NUP188: variants seen among roughly 807,000 people sequenced by gnomAD.
The protein encoded by NUP188 is nucleoporin 188.
A neutral mutation model predicts 223.0 loss-of-function variants in NUP188; 97 were observed. The observed-to-expected ratio is 0.43, with a 90% CI of 0.37 to 0.51. NUP188 has a LOEUF of 0.51. NUP188 is among the 20% of genes least tolerant of loss of function. The pLI, the probability that NUP188 is intolerant of heterozygous loss-of-function variation, is 0.00. For synonymous variants in NUP188, 869 were observed against 828.0 expected, an observed-to-expected ratio of 1.05 and a Z score of -0.85; for missense variants, 1,947 against 2,175.6, an observed-to-expected ratio of 0.89 and a Z score of 2.09.
Position 129,005,951 on chromosome 9 carries a change from C to T in NUP188, c.4870-99C>T, listed in dbSNP as rs182831559. 6.1e-5 allele frequency: 88 copies of T among 1,439,160 alleles called. 1 individual carries two copies. Among genetic ancestry groups the T allele is most frequent in the Admixed American group, 5.1e-4 (28 of 55,230 alleles). The allele number at this position is 1,439,160 out of a possible 1,614,324, so 89.1% of individuals were successfully genotyped here. ...TTACTGTGAGGATTAAATGAGGTAA[C>T]TGATTAAATTTGCTTAGTGCAGGAC... is the stretch of plus-strand genomic sequence containing the variant. On this transcript the variant is annotated intron_variant, in intron 41 of 43. Coordinates refer to ENST00000372577, the MANE Select transcript of NUP188 (RefSeq NM_015354.3).
Position 129,001,898 on chromosome 9 carries a change from G to A in NUP188, c.4059G>A (p.Val1353=). ...CCTCCTCCCAGGGAGCCACAGCAGT[G>A]GCTGGAGCTGGCATCACCCAGAGCA... ...LARTQQGATA[V]AGAGITQSIC... The change falls in exon 36 of 44, where the codon GTG becomes GTA. Residue 1353 remains valine (V), a synonymous_variant. Transcript: ENST00000372577. The A allele has an allele frequency of 6.2e-7, 1 of 1,614,090 alleles. No individual in the cohort carries two copies. The highest frequency in any genetic ancestry group is 8.5e-7 in the Non-Finnish European group (1 of 1,179,982).
At chr9:128,979,886 C>G (rs1842232102) in intron 13 of NUP188, among the ~76,000 whole-genome samples, 1 of 152,158 alleles carries the variant, frequency 6.6e-6, no homozygotes, top group African/African-American at 2.4e-5. Flanking sequence ...CCAGCCTCGG[C>G]CTCCCAAAGT....
chr9:128,978,432 A>C (rs1371774646), intron 12 of NUP188, among the ~76,000 whole-genome samples: 2 of 151,058 alleles, frequency 1.3e-5, no homozygotes, highest in Non-Finnish European at 2.9e-5. Context: ...GCGTGGTGGC[A>C]GGCGCCTGTA....
chr9:128,979,224 A>C, intron 12 of NUP188, 38 bp from the exon 13 acceptor site: 1 of 1,453,110 alleles, frequency 6.9e-7, no homozygotes. Flanking sequence ...TGGTTCAGCT[A>C]GGGAAAATGA....
chr9:128,980,485 GGAT>G, intron 13 of NUP188, 118 bp from the exon 14 acceptor site: 1 of 927,864 alleles, frequency 1.1e-6, no homozygotes, highest in Non-Finnish European at 1.6e-6. Context: ...TATTAAGGAG[GGAT>G]GATATCTGTC....
chr9:128,953,763 T>G (rs904950982), intron 3 of NUP188, among the ~76,000 whole-genome samples: 3 of 152,162 alleles, frequency 2.0e-5, no homozygotes, highest in Non-Finnish European at 4.4e-5. Context: ...GTTAAGCAAC[T>G]TGTCATGGTC....
intron 12 of NUP188, among the ~76,000 whole-genome samples, chr9:128,978,930 C>T (rs530052394): frequency 3.3e-5 from 5 of 152,096 alleles, no homozygotes; most frequent in Non-Finnish European, 2.9e-5. Context: ...AGGCTGGTCT[C>T]GAACTCCTGA....
chr9:128,949,919 CTTTTTTTT>C (rs35705253), intron 2 of NUP188, among the ~76,000 whole-genome samples: 3 of 81,232 alleles, frequency 3.7e-5, no homozygotes, highest in Admixed American at 3.3e-4. Flanking sequence ...GTGACGGCCA[CTTTTTTTT>C]TTTTTTTTTT....
intron 34 of NUP188, among the ~76,000 whole-genome samples, chr9:129,000,382 G>A (rs772941190): frequency 2.6e-5 from 4 of 152,136 alleles, no homozygotes; most frequent in Non-Finnish European, 4.4e-5. Flanking sequence ...GCAGTGGTGC[G>A]ATCTTGGCTC....
Position 129,006,491 on chromosome 9 carries a change from T to C in NUP188, c.5074-11T>C, listed in dbSNP as rs755782648. On this transcript the variant is annotated splice_polypyrimidine_tract_variant and intron_variant, in intron 43 of 43. Transcript: ENST00000372577. ...GTGCTGAGCCTCACCAAGCCACTTTTTTTCTTGTAGAGCACGCTGCTGTCC... is the reference window on the plus strand; with the variant it reads ...GTGCTGAGCCTCACCAAGCCACTTTCTTTCTTGTAGAGCACGCTGCTGTCC... 1.9e-6 allele frequency: 3 copies of C among 1,611,988 alleles called. No individual in the cohort carries two copies. The highest frequency in any genetic ancestry group is 2.5e-6 in the Non-Finnish European group (3 of 1,179,226).
At chr9:128,988,317 T>C in intron 24 of NUP188, 131 bp downstream of exon 24, 1 of 991,098 alleles carries the variant, frequency 1.0e-6, no homozygotes, top group Non-Finnish European at 1.5e-6. Context: ...AGTTTGGGAA[T>C]GATTACCAGC....
At chr9:128,964,906 C>T (rs1842007125) in intron 8 of NUP188, among the ~76,000 whole-genome samples, 1 of 151,884 alleles carries the variant, frequency 6.6e-6, no homozygotes, top group African/African-American at 2.4e-5. Context: ...TGGGGTTTCG[C>T]CATGTTGGCC....
chr9:128,971,670 G>A (rs1172351116), intron 11 of NUP188, among the ~76,000 whole-genome samples: 3 of 152,008 alleles, frequency 2.0e-5, no homozygotes, highest in African/African-American at 7.2e-5. Context: ...CACCCGCCTC[G>A]GCCTCCCAAA....
chr9:128,952,806 C>T lies in NUP188; in HGVS notation c.121C>T (p.Arg41Trp), dbSNP rs199567728. The change falls in exon 3 of 44, where the codon CGG becomes TGG. Residue 41 changes from arginine (R) to tryptophan (W), a missense_variant. Arg to Trp is a moderately radical substitution (Grantham distance 101, BLOSUM62 -3). Coordinates refer to ENST00000372577, the MANE Select transcript of NUP188 (RefSeq NM_015354.3). ...QIEAELNKHW[R>W]RLLEGLSYYK... ...TGAGGCAGAACTGAATAAACATTGG[C>T]GGCGATTGTTAGAGGGGCTTTCTTA... 2.5e-6 allele frequency: 4 copies of T among 1,613,504 alleles called. No homozygotes were observed. The African/African-American group carries it at 4.0e-5, about 16-fold the overall frequency.
At chr9:128,996,996 A>G (rs979295099) in intron 30 of NUP188, among the ~76,000 whole-genome samples, 1 of 152,190 alleles carries the variant, frequency 6.6e-6, no homozygotes, top group African/African-American at 2.4e-5. Context: ...TAAATTATAA[A>G]CAAATTTAGC....
intron 11 of NUP188, among the ~76,000 whole-genome samples, chr9:128,971,955 A>AG (rs996010625): frequency 6.6e-6 from 1 of 151,770 alleles, no homozygotes; most frequent in East Asian, 1.9e-4. Flanking sequence ...TATTTGTAGT[A>AG]GGGATGGGGT....
At position 128,963,785 on chromosome 9, in the gene NUP188, C is replaced by T. The variant is rs907589933; in HGVS notation, c.585+4651C>T. On this transcript the variant is annotated intron_variant, in intron 8 of 43. Transcript: ENST00000372577. ...CTCTTGAGTAGGCTGGGATTACAGG[C>T]ATATGCCACCATGCCTGTCTTATTG... 8.0e-5 allele frequency among the ~76,000 whole-genome samples: 12 copies of T among 149,944 alleles called. No homozygotes were observed. In the East Asian group the frequency reaches 1.4e-3, roughly 17 times the overall value.
chr9:128,998,172 G>T lies in NUP188; in HGVS notation c.3373G>T (p.Asp1125Tyr), dbSNP rs764095808. ...GCAGGCAGATATAATGCACCTGACT[G>T]ACTCTGTGGTGCGTCGCCAGCTCTT... ...TTHADIMHLTDSVVRRQLFLD... is the reference protein window; with the variant it reads ...TTHADIMHLTYSVVRRQLFLD... The change falls in exon 31 of 44, where the codon GAC (aspartate) becomes TAC (tyrosine). Residue 1125 changes from aspartate to tyrosine, a missense_variant. This residue lies in a region of NUP188 where 905 missense variants were observed against 990.6 expected (regional missense o/e 0.91). Coordinates refer to ENST00000372577, the MANE Select transcript of NUP188 (RefSeq NM_015354.3). The T allele has an allele frequency of 6.2e-7, 1 of 1,613,954 alleles. No individual in the cohort carries two copies. Among genetic ancestry groups the T allele is most frequent in the Non-Finnish European group, 8.5e-7 (1 of 1,179,928 alleles).
chr9:128,976,912 A>G (rs1476472503), intron 12 of NUP188, among the ~76,000 whole-genome samples: 3 of 151,864 alleles, frequency 2.0e-5, no homozygotes, highest in Non-Finnish European at 4.4e-5. Flanking sequence ...CCCTGTCTCT[A>G]CCAAAAATAC....
Sources: gnomAD v4.1 joint callset for allele counts (sites outside exome capture counted in the v4.1 genomes callset) on GRCh38, gnomAD v4.1.1 for gene constraint, gnomAD v4.1.1 regional missense constraint, MANE v1.5 for transcripts, NCBI Gene and HGNC (gene_info 2026-07-23, HGNC 2026-07-21) for gene names.